ZZZ3: variants seen among roughly 807,000 people sequenced by gnomAD.
The protein encoded by ZZZ3 is ZZ-type zinc finger-containing protein 3.
A neutral mutation model predicts 95.2 loss-of-function variants in ZZZ3; 22 were observed. The ratio of observed to expected loss-of-function variants is 0.23; its 90% CI spans 0.17 to 0.33. The LOEUF (loss-of-function observed/expected upper bound fraction) is 0.33, where lower values mean the gene tolerates loss of function less well. Ranked by LOEUF, ZZZ3 falls within the 10% of genes least tolerant of loss-of-function variation. The pLI is 1.00. For missense variants in ZZZ3, 885 were observed against 1,066.5 expected (o/e 0.83, Z 2.37); for synonymous variants, 335 against 358.9 (o/e 0.93, Z 0.75).
At chr1:77,598,545 TTTAG>T (rs1664430329) in intron 5 of ZZZ3, among the ~76,000 whole-genome samples, 1 of 152,158 alleles carries the variant, frequency 6.6e-6, no homozygotes, top group African/African-American at 2.4e-5. Context: ...TGAGAAAGTA[TTTAG>T]TTAAGGTACA....
chr1:77,590,785 A>C (rs1330103155), intron 5 of ZZZ3, among the ~76,000 whole-genome samples: 2 of 152,234 alleles, frequency 1.3e-5, no homozygotes, highest in Non-Finnish European at 2.9e-5. Context: ...ATACAGGGAA[A>C]TGCCCTTCTT....
At chr1:77,678,635 C>T (rs1672480842) in intron 1 of ZZZ3, among the ~76,000 whole-genome samples, 1 of 152,192 alleles carries the variant, frequency 6.6e-6, no homozygotes. Context: ...CACTATTCTA[C>T]TATAGTTCCA....
intron 5 of ZZZ3, among the ~76,000 whole-genome samples, chr1:77,595,178 G>A (rs185536858): frequency 1.3e-5 from 2 of 152,110 alleles, no homozygotes; most frequent in African/African-American, 4.8e-5. Context: ...GTGACTGTGT[G>A]AACAGTAGTT....
intron 1 of ZZZ3, among the ~76,000 whole-genome samples, chr1:77,676,497 C>T (rs1041922578): frequency 6.6e-6 from 1 of 152,152 alleles, no homozygotes. Context: ...CACATTTTAT[C>T]TCTGTTCAAA....
intron 1 of ZZZ3, among the ~76,000 whole-genome samples, chr1:77,650,828 C>T (rs1669739032): frequency 6.6e-6 from 1 of 151,972 alleles, no homozygotes; most frequent in Non-Finnish European, 1.5e-5. Flanking sequence ...TTTAGACAGA[C>T]TCATCAGGAA....
intron 5 of ZZZ3, among the ~76,000 whole-genome samples, chr1:77,615,860 G>A (rs1315549161): frequency 6.6e-6 from 1 of 152,044 alleles, no homozygotes; most frequent in African/African-American, 2.4e-5. Context: ...TAATTCAGTA[G>A]TGCTACCTTA....
chr1:77,654,868 C>T (rs775673841), intron 1 of ZZZ3, among the ~76,000 whole-genome samples: 19 of 152,118 alleles, frequency 1.2e-4, no homozygotes, highest in Non-Finnish European at 2.2e-4. Flanking sequence ...AAGCTGGTCT[C>T]GAACTCCTGT....
chr1:77,653,562 T>C (rs1267249566), intron 1 of ZZZ3, among the ~76,000 whole-genome samples: 1 of 151,894 alleles, frequency 6.6e-6, no homozygotes, highest in Non-Finnish European at 1.5e-5. Context: ...AAGACCAGCC[T>C]GACCGACATG....
chr1:77,681,055 C>G (rs1672709131), intron 1 of ZZZ3, among the ~76,000 whole-genome samples: 1 of 152,104 alleles, frequency 6.6e-6, no homozygotes, highest in East Asian at 1.9e-4. Context: ...GCATATATCA[C>G]TAAATAAAAA....
chr1:77,653,077 C>A (rs897829332), intron 1 of ZZZ3, among the ~76,000 whole-genome samples: 1 of 152,132 alleles, frequency 6.6e-6, no homozygotes, highest in Non-Finnish European at 1.5e-5. Flanking sequence ...GTTCCAGCTA[C>A]TCAGAAGATT....
At chr1:77,587,814 T>A (rs1663253791) in intron 5 of ZZZ3, among the ~76,000 whole-genome samples, 1 of 152,204 alleles carries the variant, frequency 6.6e-6, no homozygotes, top group Admixed American at 6.5e-5. Flanking sequence ...GAGACAGCAA[T>A]ACCAACCCCA....
rs565322264 is a variant in ZZZ3, at chr1:77,579,681, T to C, written c.1981-53A>G. Reference sequence around the variant, plus strand: ...GAAAATATGTATTTAATTTTAAATATTGGATTTCTAAATAAATACATTCAC... The same window carrying C: ...GAAAATATGTATTTAATTTTAAATACTGGATTTCTAAATAAATACATTCAC... On this transcript the variant is annotated intron_variant, in intron 9 of 14. Coordinates refer to ENST00000370801, the MANE Select transcript of ZZZ3 (RefSeq NM_015534.6). 157 of 1,058,466 alleles carry C rather than the reference T, an allele frequency of 1.5e-4. 3 individuals are homozygous for C. Among genetic ancestry groups the C allele is most frequent in the South Asian group, 9.6e-4 (64 of 66,934 alleles). The allele number at this position is 1,058,466 out of a possible 1,614,324, so 65.6% of individuals were successfully genotyped here.
intron 5 of ZZZ3, among the ~76,000 whole-genome samples, chr1:77,613,491 C>T (rs924432687): frequency 2.0e-4 from 30 of 149,082 alleles, no homozygotes; most frequent in African/African-American, 5.9e-4. Context: ...TATTTTTAAA[C>T]GCTGCTTCTC....
At position 77,629,049 on chromosome 1, in the gene ZZZ3, T is replaced by C. The variant is rs185778144; in HGVS notation, c.1505+2801A>G. ...CATTTTCAAACTGCCAGAAATTTACTTGAGACTTGAAAGCACCAGACAGGT... is the reference window on the plus strand; with the variant it reads ...CATTTTCAAACTGCCAGAAATTTACCTGAGACTTGAAAGCACCAGACAGGT... On this transcript the variant is annotated intron_variant, in intron 5 of 14. Coordinates refer to ENST00000370801, the MANE Select transcript of ZZZ3 (RefSeq NM_015534.6). Among the ~76,000 whole-genome samples, 50 of 152,284 alleles carry C rather than the reference T, an allele frequency of 3.3e-4. 1 individual carries two copies. Among genetic ancestry groups the C allele is most frequent in the Admixed American group, 3.1e-3 (47 of 15,296 alleles).
chr1:77,594,212 T>C (rs1267492450), intron 5 of ZZZ3, among the ~76,000 whole-genome samples: 2 of 152,146 alleles, frequency 1.3e-5, no homozygotes, highest in Non-Finnish European at 2.9e-5. Flanking sequence ...TCCTACTTTA[T>C]AGTGTCTACT....
intron 1 of ZZZ3, among the ~76,000 whole-genome samples, chr1:77,662,718 G>T (rs1004411931): frequency 2.6e-5 from 4 of 152,172 alleles, no homozygotes; most frequent in Non-Finnish European, 5.9e-5. Flanking sequence ...TTGAGTCCAG[G>T]AGGTCAAAGC....
chr1:77,567,410 A>C (rs1218372299), intron 13 of ZZZ3, among the ~76,000 whole-genome samples: 2 of 152,150 alleles, frequency 1.3e-5, no homozygotes, highest in Admixed American at 6.5e-5. Flanking sequence ...TTCCAAACCC[A>C]CTGCTTTCCT....
At chr1:77,578,274 A>C (rs554959635) in intron 11 of ZZZ3, among the ~76,000 whole-genome samples, 2 of 152,134 alleles carry the variant, frequency 1.3e-5, no homozygotes, top group Non-Finnish European at 2.9e-5. Context: ...GGACCTCACT[A>C]TGTTGCCTAA....
chr1:77,584,494 C>G, intron 6 of ZZZ3, 23 bp downstream of exon 6: 1 of 1,585,900 alleles, frequency 6.3e-7, no homozygotes. Flanking sequence ...CTTAGTAAAT[C>G]TTAAAAACAG....
Sources: gnomAD v4.1 joint callset for allele counts (sites outside exome capture counted in the v4.1 genomes callset) on GRCh38, gnomAD v4.1.1 for gene constraint, MANE v1.5 for transcripts, NCBI Gene and HGNC (gene_info 2026-07-23, HGNC 2026-07-21) for gene names.